The following NRP1 variants were observed in gnomAD, a reference collection of about 807,000 sequenced individuals.
The protein encoded by NRP1 is neuropilin 1, also known as neuropilin-1.
NRP1 carries 35 observed loss-of-function variants against 106.7 expected under a neutral mutation model. The observed-to-expected ratio is 0.33, with a 90% CI of 0.25 to 0.43. The LOEUF is 0.43. NRP1 is among the 20% of genes least tolerant of loss of function. The pLI is 1.00. For missense variants in NRP1, 1,024 were observed against 1,170.4 expected (o/e 0.87, Z 1.83); for synonymous variants, 437 against 417.9 (o/e 1.05, Z -0.56).
At chr10:33,229,355 T>C (rs1160693576) in intron 6 of NRP1, among the ~76,000 whole-genome samples, 1 of 152,204 alleles carries the variant, frequency 6.6e-6, no homozygotes, top group Non-Finnish European at 1.5e-5. Flanking sequence ...ATGTTAACTG[T>C]TTTCAAATGC....
intron 12 of NRP1, among the ~76,000 whole-genome samples, chr10:33,194,095 C>A (rs1301013632): frequency 6.6e-6 from 1 of 152,132 alleles, no homozygotes; most frequent in Non-Finnish European, 1.5e-5. Context: ...AATAGGACTT[C>A]TTAAGGCATG....
At chr10:33,264,617 T>C (rs939347914) in intron 3 of NRP1, among the ~76,000 whole-genome samples, 1 of 152,182 alleles carries the variant, frequency 6.6e-6, no homozygotes, top group African/African-American at 2.4e-5. Context: ...GTGTGTGTAA[T>C]GCATATATTT....
chr10:33,202,601 C>T (rs541299978), intron 11 of NRP1: 17 of 1,467,898 alleles, frequency 1.2e-5, no homozygotes, highest in Admixed American at 4.7e-5. Flanking sequence ...AAATAAGGAT[C>T]GGTTTAGTAC....
At chr10:33,244,777 A>G (rs1841295699) in intron 6 of NRP1, among the ~76,000 whole-genome samples, 1 of 152,238 alleles carries the variant, frequency 6.6e-6, no homozygotes. Flanking sequence ...TACATACCAC[A>G]TAAAAACAAA....
At chr10:33,223,973 AC>A (rs1839457501) in intron 7 of NRP1, among the ~76,000 whole-genome samples, 2 of 151,988 alleles carry the variant, frequency 1.3e-5, no homozygotes, top group Non-Finnish European at 2.9e-5. Flanking sequence ...CATGTTTTAT[AC>A]ACATTCTCTC....
chr10:33,265,902 A>C (rs1842885208), intron 3 of NRP1, among the ~76,000 whole-genome samples: 1 of 152,308 alleles, frequency 6.6e-6, no homozygotes, highest in East Asian at 1.9e-4. Context: ...GACAGCGACT[A>C]TGCTAATTTG....
intron 2 of NRP1, among the ~76,000 whole-genome samples, chr10:33,281,879 T>C (rs1297060058): frequency 2.0e-5 from 3 of 152,160 alleles, no homozygotes; most frequent in Non-Finnish European, 4.4e-5. Flanking sequence ...TTTTCCACAG[T>C]GTATACTATT....
rs763747196 is a variant in NRP1, at chr10:33,270,734, A to T, written c.371T>A (p.Val124Asp). The change falls in exon 3 of 17, where the codon GTC becomes GAC. Residue 124 changes from valine to aspartate, a missense_variant. This residue lies in a region of NRP1 where 279 missense variants were observed against 327.4 expected (regional missense o/e 0.85). Transcript: ENST00000374867. ...SSGPFLFIKF[V>D]SDYETHGAGF... ...TGCACCATGTGTTTCGTAGTCAGAG[A>T]CAAATTTGATAAAAAGAAATGGCCC... is the stretch of plus-strand genomic sequence containing the variant. The T allele has an allele frequency of 3.1e-6, 5 of 1,614,080 alleles. No individual in the cohort carries two copies. In the South Asian group the frequency reaches 5.5e-5, roughly 18 times the overall value.
At chr10:33,237,664 C>T (rs1257521634) in intron 6 of NRP1, among the ~76,000 whole-genome samples, 1 of 149,720 alleles carries the variant, frequency 6.7e-6, no homozygotes, top group Non-Finnish European at 1.5e-5. Context: ...CTGCAACCTC[C>T]ACCTCTTGAG....
intron 13 of NRP1, among the ~76,000 whole-genome samples, chr10:33,187,072 T>C (rs1180184029): frequency 1.3e-5 from 2 of 152,078 alleles, no homozygotes; most frequent in Admixed American, 1.3e-4. Context: ...AGAATCTTGC[T>C]ATGTTGCCCA....
At chr10:33,262,052 T>G (rs1280831727) in intron 4 of NRP1, among the ~76,000 whole-genome samples, 1 of 152,214 alleles carries the variant, frequency 6.6e-6, no homozygotes, top group African/African-American at 2.4e-5. Flanking sequence ...TTACTTATTC[T>G]TCATGTACAA....
At chr10:33,241,032 C>T (rs1366170103) in intron 6 of NRP1, among the ~76,000 whole-genome samples, 1 of 152,092 alleles carries the variant, frequency 6.6e-6, no homozygotes, top group Non-Finnish European at 1.5e-5. Context: ...TGGGGAAAGC[C>T]TTGCAAAAAT....
chr10:33,270,781 G>A lies in NRP1; in HGVS notation c.324C>T (p.Ala108=), dbSNP rs769188345. 2.5e-6 allele frequency: 4 copies of A among 1,613,466 alleles called. No individual in the cohort carries two copies. Among genetic ancestry groups the A allele is most frequent in the Non-Finnish European group, 3.4e-6 (4 of 1,179,746 alleles). The change falls in exon 3 of 17, where the codon GCC becomes GCT. Residue 108 remains alanine, a synonymous_variant. Transcript: ENST00000374867. ...GCCCTGAAGACACAACAGGAGGAGG[G>A]GCTATCTTTCCACAGAACTTTCCCC... The part of the protein sequence containing the change: ...HFRGKFCGKI[A]PPPVVSSGPF...
chr10:33,235,257 G>T (rs1360147104), intron 6 of NRP1, among the ~76,000 whole-genome samples: 4 of 152,212 alleles, frequency 2.6e-5, no homozygotes, highest in Admixed American at 2.6e-4. Flanking sequence ...AAACAAAAGG[G>T]ACTCGATGCA....
chr10:33,204,769 T>C (rs1837627278), intron 10 of NRP1, among the ~76,000 whole-genome samples: 1 of 152,194 alleles, frequency 6.6e-6, no homozygotes, highest in Admixed American at 6.5e-5. Context: ...TTCACTCTTG[T>C]CACCCAGGCT....
chr10:33,230,724 T>C (rs1285537189), intron 6 of NRP1, among the ~76,000 whole-genome samples: 2 of 152,066 alleles, frequency 1.3e-5, no homozygotes, highest in African/African-American at 4.8e-5. Flanking sequence ...ATCCACAACT[T>C]ATCACCCATT....
intron 4 of NRP1, among the ~76,000 whole-genome samples, chr10:33,263,298 T>G (rs1426127155): frequency 6.6e-6 from 1 of 152,246 alleles, no homozygotes; most frequent in South Asian, 2.1e-4. Context: ...TCTTACAATC[T>G]GTGAATTAAT....
chr10:33,200,601 A>G (rs1196025855), intron 11 of NRP1, among the ~76,000 whole-genome samples: 1 of 152,220 alleles, frequency 6.6e-6, no homozygotes, highest in Non-Finnish European at 1.5e-5. Flanking sequence ...GGTTAAAGCA[A>G]TAACGCTCTT....
In NRP1 at chr10:33,221,807, T is replaced by C. The variant is rs778337691; in HGVS notation, c.1194A>G (p.Pro398=). ...TDVVVAVFPK[P]LITRFVRIKP... is the part of the protein sequence containing the mutation. Reference sequence around the variant, plus strand: ...TGATTCGGACAAATCGAGTTATCAGTGGTTTGGGGAATACTGCAACCACAA... The same window carrying C: ...TGATTCGGACAAATCGAGTTATCAGCGGTTTGGGGAATACTGCAACCACAA... The change falls in exon 8 of 17, where the codon CCA becomes CCG. Residue 398 remains proline, a synonymous_variant. Transcript: ENST00000374867. The C allele has an allele frequency of 3.7e-6, 6 of 1,613,914 alleles. No individual in the cohort carries two copies. Among genetic ancestry groups the C allele is most frequent in the African/African-American group, 1.3e-5 (1 of 74,884 alleles).
Sources: allele counts gnomAD v4.1 joint callset (sites outside exome capture counted in the v4.1 genomes callset), GRCh38; gene constraint gnomAD v4.1.1; regional missense constraint gnomAD v4.1.1; transcripts MANE v1.5; gene names NCBI Gene and HGNC (gene_info 2026-07-23, HGNC 2026-07-21).